Variants in RRP12 observed in about 807,000 individuals in gnomAD.
RRP12 encodes RRP12-like protein.
Under a neutral mutation model 157.3 loss-of-function variants are expected in RRP12, and 78 were observed. That is an observed-to-expected ratio of 0.50 (90% CI 0.41 to 0.60). The LOEUF (loss-of-function observed/expected upper bound fraction) is 0.60. Ranked by LOEUF, RRP12 falls within the 20% of genes least tolerant of loss-of-function variation. RRP12 has a pLI of 0.00. For missense variants in RRP12, 1,521 were observed against 1,679.9 expected (o/e 0.91, Z 1.65); for synonymous variants, 726 against 670.9 (o/e 1.08, Z -1.27).
intron 7 of RRP12, 40 bp downstream of exon 7, chr10:97,388,449 A>G (rs201987231): frequency 1.2e-6 from 2 of 1,612,858 alleles, no homozygotes; most frequent in East Asian, 2.2e-5. Context: ...TCTGCCAGCC[A>G]CTGCCTCCCA....
intron 3 of RRP12, among the ~76,000 whole-genome samples, chr10:97,395,328 G>A (rs968826995): frequency 6.8e-6 from 1 of 147,000 alleles, no homozygotes; most frequent in Non-Finnish European, 1.5e-5. Flanking sequence ...AGGTAGGGGG[G>A]ATCACCTGAG....
intron 2 of RRP12, 84 bp downstream of exon 2, chr10:97,400,221 G>A (rs1845100643): frequency 3.1e-6 from 3 of 983,600 alleles, no homozygotes; most frequent in Non-Finnish European, 4.8e-6. Flanking sequence ...TGTTGTCATC[G>A]GAGACCTGTC....
At position 97,358,945 on chromosome 10, in the gene RRP12, T is replaced by A; in HGVS notation, c.3706A>T (p.Lys1236Ter). ...CATGCCCTACATGCAGCACTTACCT[T>A]GGCCTTGTATTCAGCCCCAGGCATA... is the stretch of plus-strand genomic sequence containing the variant. The part of the protein sequence containing the change: ...KAMPGAEYKA[K>*]KAKGDVKKKG... Residue 1236 changes from lysine to a stop codon, truncating the protein, a stop_gained and splice_region_variant, in exon 32 of 34, where the codon AAG (lysine) becomes TAG (stop). Transcript: ENST00000370992. LOFTEE classifies it high-confidence loss of function. 6.2e-7 allele frequency: 1 copy of A among 1,613,226 alleles called. No homozygotes were observed. The highest frequency in any genetic ancestry group is 1.7e-4 in the Middle Eastern group (1 of 6,058).
chr10:97,379,554 C>T, intron 14 of RRP12, 74 bp downstream of exon 14: 3 of 1,596,722 alleles, frequency 1.9e-6, no homozygotes, highest in Admixed American at 1.7e-5. Context: ...CTTTAGCCCA[C>T]AGCAGCAGAC....
rs776633860 is a variant in RRP12 at position 97,379,352 on chromosome 10, G to C, written c.1739C>G (p.Thr580Arg). The part of the protein sequence containing the change: ...LPVIRDHVQE[T>R]RLGFFTTYFL... ...GTAGGTGGTGAAAAAACCAAGTCGC[G>C]TTTCCTGAACATGGTCTCGGATGAC... is the stretch of plus-strand genomic sequence containing the variant. Residue 580 changes from threonine (T) to arginine (R), a missense_variant, in exon 15 of 34, where the codon ACG becomes AGG. Physicochemically the swap from Thr to Arg is moderately conservative, Grantham distance 71 (BLOSUM62 -1). Transcript: ENST00000370992. 6.2e-7 allele frequency: 1 copy of C among 1,613,996 alleles called. No individual in the cohort carries two copies. The highest frequency in any genetic ancestry group is 1.1e-5 in the South Asian group (1 of 91,088).
chr10:97,362,977 G>A (rs1014197194), intron 30 of RRP12, among the ~76,000 whole-genome samples: 1 of 152,170 alleles, frequency 6.6e-6, no homozygotes, highest in Non-Finnish European at 1.5e-5. Flanking sequence ...TTACCAAACT[G>A]TCCCAATGAC....
At position 97,371,098 on chromosome 10, in the gene RRP12, G is replaced by C; in HGVS notation, c.2344-17C>G. ...GGCCTTGCTCTGGCAGACAGGAACC[G>C]GTGAGGGAGGCCTGGGGCTCACTCC... On this transcript the variant is annotated splice_polypyrimidine_tract_variant and intron_variant, in intron 20 of 33. Transcript: ENST00000370992. The C allele has an allele frequency of 6.2e-7, 1 of 1,611,514 alleles. No homozygotes were observed. Among genetic ancestry groups the C allele is most frequent in the Non-Finnish European group, 8.5e-7 (1 of 1,179,086 alleles).
At position 97,358,610 on chromosome 10, in the gene RRP12, C is replaced by T; in HGVS notation, c.3718G>A (p.Gly1240Ser). The change falls in exon 33 of 34, where the codon GGT (glycine) becomes AGT (serine). Residue 1240 changes from glycine to serine, a missense_variant. Coordinates refer to ENST00000370992, the MANE Select transcript of RRP12 (RefSeq NM_015179.4). ...GAEYKAKKAK[G>S]DVKKKGRPDP... ...GGCCGGCCTTTCTTCTTCACATCAC[C>T]TTTTGCTTTCTGCTTGCCCAGAGAA... The T allele has an allele frequency of 6.2e-7, 1 of 1,613,408 alleles. No homozygotes were observed. Among genetic ancestry groups the T allele is most frequent in the Non-Finnish European group, 8.5e-7 (1 of 1,179,502 alleles).
At chr10:97,384,363 A>ACCC (rs559092089) in intron 10 of RRP12, among the ~76,000 whole-genome samples, 1 of 145,810 alleles carries the variant, frequency 6.9e-6, no homozygotes, top group Non-Finnish European at 1.5e-5. Flanking sequence ...GGCCCTGAGG[A>ACCC]CCCCCCACCT....
chr10:97,381,166 A>G (rs974093472), intron 12 of RRP12, among the ~76,000 whole-genome samples: 3 of 152,248 alleles, frequency 2.0e-5, no homozygotes, highest in African/African-American at 7.2e-5. Context: ...CAGATGGGGA[A>G]ACCTCTAGGA....
intron 31 of RRP12, 90 bp downstream of exon 31, chr10:97,360,456 C>G: frequency 9.5e-7 from 1 of 1,049,278 alleles, no homozygotes; most frequent in Admixed American, 1.7e-5. Flanking sequence ...TGTGCACCCT[C>G]ATGGCCCTGC....
intron 30 of RRP12, among the ~76,000 whole-genome samples, chr10:97,361,526 G>A (rs1011719972): frequency 6.6e-6 from 1 of 152,228 alleles, no homozygotes; most frequent in Non-Finnish European, 1.5e-5. Flanking sequence ...CAGGGGAAAG[G>A]TATGCCAGGT....
At chr10:97,388,109 A>G in intron 8 of RRP12, 143 bp downstream of exon 8, 1 of 1,045,416 alleles carries the variant, frequency 9.6e-7, no homozygotes, top group Admixed American at 2.4e-5. Flanking sequence ...CAAACACCAC[A>G]GAGTAACGTA....
Position 97,400,352 on chromosome 10 carries a change from T to G in RRP12, c.322A>C (p.Ser108Arg), listed in dbSNP as rs748084497. Residue 108 changes from serine to arginine, a missense_variant, in exon 2 of 34, where the codon AGC becomes CGC. By Grantham distance (110) the Ser-to-Arg change is moderately radical. Transcript: ENST00000370992. The stretch of plus-strand genomic sequence containing the variant: ...GACTCCCAGAAGCGCTGTACTTTGC[T>G]GAAGGTGACGTTTGTGCAGTCGGAA... ...GLSDCTNVTF[S>R]KVQRFWESNS... The G allele has an allele frequency of 1.9e-6, 3 of 1,613,976 alleles. No homozygotes were observed. Among genetic ancestry groups the G allele is most frequent in the Non-Finnish European group, 8.5e-7 (1 of 1,180,020 alleles).
chr10:97,362,146 C>G (rs1843860430), intron 30 of RRP12, among the ~76,000 whole-genome samples: 1 of 150,070 alleles, frequency 6.7e-6, no homozygotes, highest in African/African-American at 2.5e-5. Flanking sequence ...AAGTGCCATG[C>G]AAGAAACCCT....
rs768976014 is a variant in RRP12, at chr10:97,370,465, C to T, written c.2679G>A (p.Ser893=). The change falls in exon 23 of 34, where the codon TCG becomes TCA. Residue 893 remains serine (S), a synonymous_variant. Transcript: ENST00000370992. ...CCCCCTGGGCCTCACCTTCCTGGTT[C>T]GAGCCAAACCTTAGGAAAGCATGGC... The part of the protein sequence containing the change: ...EMGHAFLRFG[S]NQEEALQCYL... 7.5e-6 allele frequency: 12 copies of T among 1,601,224 alleles called. No homozygotes were observed. Among genetic ancestry groups the T allele is most frequent in the South Asian group, 6.7e-5 (6 of 89,790 alleles).
Position 97,373,521 on chromosome 10 carries a change from G to A in RRP12, c.2026+54C>T, listed in dbSNP as rs1038949495. 29 of 1,522,894 alleles carry A rather than the reference G, an allele frequency of 1.9e-5. No individual in the cohort carries two copies. In the Admixed American group the frequency reaches 5.4e-4, roughly 28 times the overall value. 94.3% of individuals were successfully genotyped at this position (1,522,894 alleles called of 1,614,324 possible). On this transcript the variant is annotated intron_variant, in intron 17 of 33. Transcript: ENST00000370992. ...AGGAGTGTAGCAAGCCAGGGGATGG[G>A]GCCAGGGACCTGTGTCATCCTCCCC...
At position 97,373,637 on chromosome 10, in the gene RRP12, G is replaced by C; in HGVS notation, c.1964C>G (p.Pro655Arg). ...CTGGCACACGGTGACCCTCAGGTCT[G>C]GACGCTCGCTGATGGCCATGCCCAG... ...RTLGMAISERPDLRVTVCQAL... is the reference protein window; with the variant it reads ...RTLGMAISERRDLRVTVCQAL... Residue 655 changes from proline to arginine, a missense_variant, in exon 17 of 34, where the codon CCA becomes CGA. Transcript: ENST00000370992. 1 of 1,613,628 alleles carries C rather than the reference G, an allele frequency of 6.2e-7. No individual in the cohort carries two copies. The highest frequency in any genetic ancestry group is 8.5e-7 in the Non-Finnish European group (1 of 1,179,900).
chr10:97,370,298 T>A, intron 23 of RRP12, 24 bp from the exon 24 acceptor site: 1 of 1,549,210 alleles, frequency 6.5e-7, no homozygotes, highest in Non-Finnish European at 8.8e-7. Context: ...CCAACGTGGG[T>A]CAAGCAGGAA....
Sources: allele counts gnomAD v4.1 joint callset (sites outside exome capture counted in the v4.1 genomes callset), GRCh38; gene constraint gnomAD v4.1.1; transcripts MANE v1.5; gene names NCBI Gene and HGNC (gene_info 2026-07-23, HGNC 2026-07-21).